Variants in SLFNL1 observed in about 807,000 individuals in gnomAD.
SLFNL1 encodes the protein schlafen like 1.
A neutral mutation model predicts 32.5 loss-of-function variants in SLFNL1; 26 were observed. The ratio of observed to expected loss-of-function variants is 0.80; its 90% confidence interval spans 0.59 to 1.11. The LOEUF (loss-of-function observed/expected upper bound fraction) is 1.11, where lower values mean the gene tolerates loss of function less well. Among genes scored for constraint, SLFNL1 ranks in the 50% least tolerant of loss-of-function variants. The probability of loss-of-function intolerance (pLI) is 0.00; values close to 1 mark genes in which losing one functional copy is unlikely to be tolerated. For missense variants in SLFNL1, 553 were observed against 546.5 expected (o/e 1.01, Z -0.12); for synonymous variants, 255 against 242.2 (o/e 1.05, Z -0.49).
At position 41,019,542 on chromosome 1, in the gene SLFNL1, T is replaced by C. The variant is rs552816690; in HGVS notation, c.435+684A>G. Among the ~76,000 whole-genome samples the C allele has an allele frequency of 4.8e-4, 73 of 152,264 alleles. 1 individual carries two copies. Among genetic ancestry groups the C allele is most frequent in the Admixed American group, 2.0e-3 (30 of 15,300 alleles). ...ACCCCCTGCAGCCTTTAGTGGGAGC[T>C]CCAGGGACACCAAATGGTTTGCCCT... On this transcript the variant is annotated intron_variant, in intron 3 of 5. Transcript: ENST00000302946.
chr1:41,017,269 G>A lies in SLFNL1; in HGVS notation c.1066C>T (p.Leu356=). 1 of 1,603,950 alleles carries A rather than the reference G, an allele frequency of 6.2e-7. No homozygotes were observed. Among genetic ancestry groups the A allele is most frequent in the Non-Finnish European group, 8.5e-7 (1 of 1,176,276 alleles). Residue 356 remains leucine, a synonymous_variant, in exon 5 of 6, where the codon CTG becomes TTG. Coordinates refer to ENST00000302946, the MANE Select transcript of SLFNL1 (RefSeq NM_144990.4). The surrounding 1 kb of genome is among the most constrained non-coding windows in gnomAD (Gnocchi z 4.9). ...LRRDGSIQGP[L]SASAIQEWCR... ...CACTCCTGGATGGCGCTGGCAGACAGCGGGCCCTGGATGCTCCCGTCGCGC... is the reference window on the plus strand; with the variant it reads ...CACTCCTGGATGGCGCTGGCAGACAACGGGCCCTGGATGCTCCCGTCGCGC...
chr1:41,016,507 C>A (rs1168767346), intron 5 of SLFNL1: 5 of 421,772 alleles, frequency 1.2e-5, no homozygotes, highest in Non-Finnish European at 2.1e-5. Context: ...CTGTTTCCCT[C>A]TTGAAAAAGC....
Position 41,017,741 on chromosome 1 carries a change from A to T in SLFNL1, c.851T>A (p.Leu284Gln), listed in dbSNP as rs1643469495. The part of the protein sequence containing the change: ...SHRDEDRARL[L>Q]VDSILQGFKP... ...GAAGCCCTGCAGGATGGAGTCCACC[A>T]GCAGGCGTGCGCGGTCCTCGTCACG... Residue 284 changes from leucine (L) to glutamine (Q), a missense_variant, in exon 4 of 6, where the codon CTG becomes CAG. Leu to Gln is a moderately radical substitution (Grantham distance 113, BLOSUM62 -2). Transcript: ENST00000302946. The surrounding 1 kb of genome is among the most constrained non-coding windows in gnomAD (Gnocchi z 4.9). The T allele has an allele frequency of 6.2e-7, 1 of 1,606,326 alleles. No individual in the cohort carries two copies. Among genetic ancestry groups the T allele is most frequent in the African/African-American group, 1.3e-5 (1 of 74,796 alleles).
In SLFNL1 at chr1:41,021,656, G is replaced by A. The variant is rs1218489960; in HGVS notation, c.-159C>T. 6.6e-6 allele frequency: 1 copy of A among 152,272 alleles called. No individual in the cohort carries two copies. The highest frequency in any genetic ancestry group is 2.4e-5 in the African/African-American group (1 of 41,452). The allele number at this position is 152,272 out of a possible 1,614,324, so 9.4% of individuals were successfully genotyped here. A position where few individuals can be genotyped will look rare whatever the true frequency, so the allele number is the denominator to read the frequency against. On this transcript the variant is annotated 5_prime_UTR_variant, in exon 1 of 6. Transcript: ENST00000302946. ...CCTGGTGGCTCCCGCGGGAGCATGG[G>A]AGGTGCCTGCCCTGAGCTCCCATAG...
chr1:41,017,043 T>C lies in SLFNL1; in HGVS notation c.1101+191A>G. On this transcript the variant is annotated intron_variant, in intron 5 of 5. Coordinates refer to ENST00000302946, the MANE Select transcript of SLFNL1 (RefSeq NM_144990.4). The surrounding 1 kb of genome is among the most constrained non-coding windows in gnomAD (Gnocchi z 4.9). ...TTTTTAAAAGGAGAGAGCTTGGGCC[T>C]CTTCCTTCCCACCAGCCACCTACCC... is the stretch of plus-strand genomic sequence containing the variant. 4.7e-6 allele frequency: 3 copies of C among 634,578 alleles called. No homozygotes were observed. Among genetic ancestry groups the C allele is most frequent in the Non-Finnish European group, 7.6e-6 (3 of 395,420 alleles). 39.3% of individuals were successfully genotyped at this position (634,578 alleles called of 1,614,324 possible).
At position 41,017,545 on chromosome 1, in the gene SLFNL1, C is replaced by G; in HGVS notation, c.957+90G>C. On this transcript the variant is annotated intron_variant, in intron 4 of 5. Transcript: ENST00000302946. This position sits in a 1 kb window ranked among gnomAD's most constrained non-coding sequence, Gnocchi z 4.9. ...CTGTGGCCCCCAGTCCCGTCCCTGCCCCAGCACTGCCTGGCAGGAGTGCAG... is the reference window on the plus strand; with the variant it reads ...CTGTGGCCCCCAGTCCCGTCCCTGCGCCAGCACTGCCTGGCAGGAGTGCAG... The G allele has an allele frequency of 6.7e-7, 1 of 1,494,974 alleles. No homozygotes were observed. The highest frequency in any genetic ancestry group is 8.9e-7 in the Non-Finnish European group (1 of 1,121,476). 92.6% of individuals were successfully genotyped at this position (1,494,974 alleles called of 1,614,324 possible).
Position 41,017,757 on chromosome 1 carries a change from C to T in SLFNL1, c.835G>A (p.Asp279Asn). 6.2e-7 allele frequency: 1 copy of T among 1,607,992 alleles called. No homozygotes were observed. The highest frequency in any genetic ancestry group is 8.5e-7 in the Non-Finnish European group (1 of 1,175,982). Residue 279 changes from aspartate (D) to asparagine (N), a missense_variant, in exon 4 of 6, where the codon GAC (aspartate) becomes AAC (asparagine). Asp to Asn is a conservative substitution (Grantham distance 23). Coordinates refer to ENST00000302946, the MANE Select transcript of SLFNL1 (RefSeq NM_144990.4). The surrounding 1 kb of genome is among the most constrained non-coding windows in gnomAD (Gnocchi z 4.9). ...GAGTCCACCAGCAGGCGTGCGCGGT[C>T]CTCGTCACGGTGGCTGCAGCGGATG... ...QGIRCSHRDE[D>N]RARLLVDSIL...
At chr1:41,016,431 A>G in intron 5 of SLFNL1, 1 of 706,016 alleles carries the variant, frequency 1.4e-6, no homozygotes, top group East Asian at 2.9e-5. Context: ...CAGCCATGGA[A>G]GGGAGCCTCC....
Position 41,020,570 on chromosome 1 carries a change from C to T in SLFNL1, c.91G>A (p.Glu31Lys), listed in dbSNP as rs748311591. 1.2e-6 allele frequency: 2 copies of T among 1,613,542 alleles called. No homozygotes were observed. Among genetic ancestry groups the T allele is most frequent in the East Asian group, 2.2e-5 (1 of 44,878 alleles). ...TCAGAGTACTCCGTCAGGGACTGCTCTGCGGGTAGCTCCGGCAGGGACTCC... is the reference window on the plus strand; with the variant it reads ...TCAGAGTACTCCGTCAGGGACTGCTTTGCGGGTAGCTCCGGCAGGGACTCC... ...GEESLPELPA[E>K]QSLTEYSDLE... Residue 31 changes from glutamate to lysine, a missense_variant, in exon 3 of 6, where the codon GAG (glutamate) becomes AAG (lysine). By Grantham distance (56) the Glu-to-Lys change is moderately conservative. Transcript: ENST00000302946.
Position 41,020,423 on chromosome 1 carries a change from G to A in SLFNL1, c.238C>T (p.Arg80Trp), listed in dbSNP as rs754289544. The change falls in exon 3 of 6, where the codon CGG becomes TGG. Residue 80 changes from arginine (R) to tryptophan (W), a missense_variant. By Grantham distance (101) the Arg-to-Trp change is moderately radical (BLOSUM62 -3). Transcript: ENST00000302946. ...TLERLEMPVA[R>W]EHIEVVRRPR... ...CGCCTCACCACTTCAATGTGCTCCC[G>A]CGCCACCGGCATCTCCAGCCGCTCC... The A allele has an allele frequency of 9.9e-6, 16 of 1,612,872 alleles. No homozygotes were observed. The highest frequency in any genetic ancestry group is 4.0e-5 in the African/African-American group (3 of 74,904).
intron 3 of SLFNL1, among the ~76,000 whole-genome samples, chr1:41,019,412 G>T (rs560659099): frequency 6.6e-6 from 1 of 152,172 alleles, no homozygotes; most frequent in East Asian, 1.9e-4. Flanking sequence ...CTATCCTAAC[G>T]TCCCATGTCC....
At chr1:41,019,912 T>C (rs563759721) in intron 3 of SLFNL1, among the ~76,000 whole-genome samples, 46 of 152,186 alleles carry the variant, frequency 3.0e-4, no homozygotes, top group African/African-American at 1.1e-3. Flanking sequence ...AAGGAGAAAA[T>C]CGGGGCCCCT....
Position 41,017,092 on chromosome 1 carries a change from T to C in SLFNL1, c.1101+142A>G. 9.9e-7 allele frequency: 1 copy of C among 1,012,918 alleles called. No individual in the cohort carries two copies. Among genetic ancestry groups the C allele is most frequent in the Non-Finnish European group, 1.4e-6 (1 of 718,566 alleles). 62.7% of individuals were successfully genotyped at this position (1,012,918 alleles called of 1,614,324 possible). ...CCGCGGAGTATGGGATGTGGTGTGA[T>C]TGTATTCCAACCCCTTGGGTTCAAC... On this transcript the variant is annotated intron_variant, in intron 5 of 5. Transcript: ENST00000302946. The surrounding 1 kb of genome is among the most constrained non-coding windows in gnomAD (Gnocchi z 4.9).
chr1:41,020,169 CAG>C, intron 3 of SLFNL1, 55 bp downstream of exon 3: 2 of 1,514,156 alleles, frequency 1.3e-6, no homozygotes, highest in Middle Eastern at 2.2e-4. Context: ...CACTCCCACT[CAG>C]AGGCTCTCCC....
rs369206165 is a variant in SLFNL1, at chr1:41,016,133, A to G, written c.1197T>C (p.Pro399=). 1.2e-4 allele frequency: 199 copies of G among 1,613,982 alleles called. 1 individual carries two copies. Among genetic ancestry groups the G allele is most frequent in the Non-Finnish European group, 1.6e-4 (190 of 1,179,966 alleles). Reference sequence around the variant, plus strand: ...ACAGGACACAGCAGGTGCAGGACACAGGCCCGTGCTGCTGCAGCTGCTGCT... The same window carrying G: ...ACAGGACACAGCAGGTGCAGGACACGGGCCCGTGCTGCTGCAGCTGCTGCT... ...QLQQQLQQHG[P]VSCTCCVL is the part of the protein sequence containing the mutation. Residue 399 remains proline, a synonymous_variant, in exon 6 of 6, where the codon CCT becomes CCC. Transcript: ENST00000302946.
rs1643292020 is a variant in SLFNL1 at position 41,016,018 on chromosome 1, G to C, written c.*88C>G. On this transcript the variant is annotated 3_prime_UTR_variant, in exon 6 of 6. Transcript: ENST00000302946. Reference sequence around the variant, plus strand: ...GTCCGCCTCTCAGCAGCCCGCATGGGCTTTACTGGTTGGCCTTACACTCAA... The same window carrying C: ...GTCCGCCTCTCAGCAGCCCGCATGGCCTTTACTGGTTGGCCTTACACTCAA... 6.6e-7 allele frequency: 1 copy of C among 1,515,786 alleles called. No individual in the cohort carries two copies. The highest frequency in any genetic ancestry group is 1.4e-5 in the African/African-American group (1 of 71,620). The allele number at this position is 1,515,786 out of a possible 1,614,324, so 93.9% of individuals were successfully genotyped here.
In SLFNL1 at chr1:41,020,353, T is replaced by A. The variant is rs1306315653; in HGVS notation, c.308A>T (p.Asp103Val). The change falls in exon 3 of 6, where the codon GAC (aspartate) becomes GTC (valine). Residue 103 changes from aspartate (D) to valine (V), a missense_variant. Transcript: ENST00000302946. The part of the protein sequence containing the change: ...YALVQVTVHR[D>V]TLASLPWRLQ... The stretch of plus-strand genomic sequence containing the variant: ...GCGCCAGGGGAGGGAGGCCAGGGTG[T>A]CCCTGTGGACAGTCACCTGCACCAG... 98 of 1,613,364 alleles carry A rather than the reference T, an allele frequency of 6.1e-5. No homozygotes were observed. Among genetic ancestry groups the A allele is most frequent in the Non-Finnish European group, 8.3e-5 (98 of 1,180,024 alleles).
chr1:41,018,646 A>G (rs913643570), intron 3 of SLFNL1, among the ~76,000 whole-genome samples: 1 of 152,082 alleles, frequency 6.6e-6, no homozygotes, highest in South Asian at 2.1e-4. Context: ...TTGCTGGGCT[A>G]TTGACAAGTC....
chr1:41,020,579 G>T lies in SLFNL1; in HGVS notation c.82C>A (p.Leu28Ile). ...ESWGEESLPE[L>I]PAEQSLTEYS... ...TCCGTCAGGGACTGCTCTGCGGGTA[G>T]CTCCGGCAGGGACTCCTCACCCCAG... Residue 28 changes from leucine (L) to isoleucine (I), a missense_variant, in exon 3 of 6, where the codon CTA (leucine) becomes ATA (isoleucine). Coordinates refer to ENST00000302946, the MANE Select transcript of SLFNL1 (RefSeq NM_144990.4). The T allele has an allele frequency of 6.2e-7, 1 of 1,613,450 alleles. No individual in the cohort carries two copies. Among genetic ancestry groups the T allele is most frequent in the Non-Finnish European group, 8.5e-7 (1 of 1,180,004 alleles).
Sources: gnomAD v4.1 joint callset for allele counts (sites outside exome capture counted in the v4.1 genomes callset) on GRCh38, gnomAD v4.1.1 for gene constraint, Gnocchi (gnomAD v3.1) non-coding constraint, MANE v1.5 for transcripts, NCBI Gene and HGNC (gene_info 2026-07-23, HGNC 2026-07-21) for gene names.